PHF12: variants seen among roughly 807,000 people sequenced by gnomAD.
PHF12 encodes PHD factor 1.
PHF12 carries 6 observed loss-of-function variants against 99.8 expected under a neutral mutation model. The ratio of observed to expected loss-of-function variants is 0.06; its 90% CI spans 0.03 to 0.12. The LOEUF (loss-of-function observed/expected upper bound fraction) is 0.12. Ranked by LOEUF, PHF12 falls within the 10% of genes least tolerant of loss-of-function variation. PHF12 has a pLI of 1.00. For synonymous variants in PHF12, 480 were observed against 514.9 expected (o/e 0.93, Z 0.92); for missense variants, 954 against 1,300.1 (o/e 0.73, Z 4.09).
At chr17:28,908,958 A>C in intron 11 of PHF12, 77 bp from the exon 12 acceptor site, 1 of 1,361,282 alleles carries the variant, frequency 7.3e-7, no homozygotes. Flanking sequence ...CAAAATCTGG[A>C]CCTTTGGCTC....
In PHF12 at chr17:28,906,568, A is replaced by T; in HGVS notation, c.2681-51T>A. ...AAGAGGAACAGTGAGCAGCCAACCC[A>T]TGTGGGCTGTTTGCCAAGGTTGGGC... On this transcript the variant is annotated intron_variant, in intron 14 of 14. Coordinates refer to ENST00000332830, the MANE Select transcript of PHF12 (RefSeq NM_001033561.2). This position sits in a 1 kb window ranked among gnomAD's most constrained non-coding sequence, Gnocchi z 4.2. The T allele has an allele frequency of 6.5e-7, 1 of 1,530,172 alleles. No individual in the cohort carries two copies. Among genetic ancestry groups the T allele is most frequent in the Non-Finnish European group, 8.8e-7 (1 of 1,131,366 alleles). The allele number at this position is 1,530,172 out of a possible 1,614,324, so 94.8% of individuals were successfully genotyped here.
At chr17:28,913,369 G>A in intron 8 of PHF12, 92 bp from the exon 9 acceptor site, 3 of 1,506,896 alleles carry the variant, frequency 2.0e-6, no homozygotes, top group Admixed American at 4.5e-5. Flanking sequence ...GAGCTGACAA[G>A]CAGTTTCCGA....
chr17:28,915,133 G>T (rs1336546981), intron 7 of PHF12, among the ~76,000 whole-genome samples: 1 of 152,178 alleles, frequency 6.6e-6, no homozygotes, highest in Non-Finnish European at 1.5e-5. Flanking sequence ...TAGGAAGTCA[G>T]TATTTGGGTT....
intron 7 of PHF12, among the ~76,000 whole-genome samples, chr17:28,914,482 C>A (rs963401464): frequency 2.6e-5 from 4 of 151,814 alleles, no homozygotes; most frequent in African/African-American, 9.7e-5. Context: ...ACCATCCTGG[C>A]TAACATGGTG....
intron 4 of PHF12, among the ~76,000 whole-genome samples, chr17:28,923,398 C>G (rs1360917501): frequency 6.6e-6 from 1 of 150,966 alleles, no homozygotes; most frequent in East Asian, 2.0e-4. Flanking sequence ...TGACTCGCAC[C>G]TGTAATCCCA....
intron 9 of PHF12, 41 bp downstream of exon 9, chr17:28,912,441 T>C (rs369916315): frequency 1.2e-4 from 176 of 1,530,262 alleles, no homozygotes; most frequent in Middle Eastern, 1.8e-4. Flanking sequence ...AGAAAGAGCA[T>C]AAAATTATTC....
rs1470647008 is a variant in PHF12 at position 28,912,855 on chromosome 17, T to C, written c.1716A>G (p.Leu572=). Residue 572 remains leucine (L), a synonymous_variant, in exon 9 of 15, where the codon CTA becomes CTG. Transcript: ENST00000332830. ...PRRLPGANTP[L]PGLSHRQGWP... is the part of the protein sequence containing the mutation. Reference sequence around the variant, plus strand: ...AGCCTTGCCGGTGTGAGAGGCCTGGTAGTGGGGTGTTAGCGCCTGGAAGTC... The same window carrying C: ...AGCCTTGCCGGTGTGAGAGGCCTGGCAGTGGGGTGTTAGCGCCTGGAAGTC... 3.1e-6 allele frequency: 5 copies of C among 1,610,112 alleles called. No individual in the cohort carries two copies. Among genetic ancestry groups the C allele is most frequent in the Admixed American group, 1.7e-5 (1 of 59,808 alleles).
At chr17:28,938,495 T>C (rs2040550069) in intron 2 of PHF12, among the ~76,000 whole-genome samples, 1 of 152,150 alleles carries the variant, frequency 6.6e-6, no homozygotes, top group Non-Finnish European at 1.5e-5. Context: ...CCCAAAGTGC[T>C]AGGATTACAG....
In PHF12 at chr17:28,912,760, G is replaced by A; in HGVS notation, c.1811C>T (p.Thr604Ile). The change falls in exon 9 of 15, where the codon ACA becomes ATA. Residue 604 changes from threonine to isoleucine, a missense_variant. Around this residue, in one of 8 missense-constraint regions of PHF12, gnomAD observed 392 missense variants for 423.1 expected, o/e 0.93. Transcript: ENST00000332830. ...QNHTVGIIVK[T>I]ENATGPSSCP... is the part of the protein sequence containing the mutation. ...AGAGCTGGGGCCAGTGGCATTCTCT[G>A]TCTTCACAATGATGCCGACGGTGTG... 6.2e-7 allele frequency: 1 copy of A among 1,614,116 alleles called. No homozygotes were observed. The highest frequency in any genetic ancestry group is 8.5e-7 in the Non-Finnish European group (1 of 1,179,978).
rs1038672972 is a variant in PHF12, at chr17:28,949,524, G to A, written c.248+541C>T. ...CTGAGAATAAAAATATAATTTAAAG[G>A]CAGGTCGCCATATTGTAAACAGAGA... On this transcript the variant is annotated intron_variant, in intron 2 of 14. Transcript: ENST00000332830. This position sits in a 1 kb window ranked among gnomAD's most constrained non-coding sequence, Gnocchi z 4.6. 1 of 152,596 alleles carries A rather than the reference G, an allele frequency of 6.6e-6. No homozygotes were observed. 9.5% of individuals were successfully genotyped at this position (152,596 alleles called of 1,614,324 possible).
At chr17:28,909,961 T>C (rs2039929603) in intron 11 of PHF12, 2 of 637,518 alleles carry the variant, frequency 3.1e-6, no homozygotes, top group South Asian at 3.6e-5. Context: ...CCAAAGGTAC[T>C]GGTAGCTGCT....
chr17:28,946,579 C>T (rs1030283074), intron 2 of PHF12, among the ~76,000 whole-genome samples: 1 of 152,206 alleles, frequency 6.6e-6, no homozygotes, highest in African/African-American at 2.4e-5. Flanking sequence ...ATTCCGTTCA[C>T]AGTGAGGCAG....
intron 7 of PHF12, among the ~76,000 whole-genome samples, chr17:28,915,985 TAC>T (rs1447882961): frequency 6.6e-6 from 1 of 152,242 alleles, no homozygotes; most frequent in Non-Finnish European, 1.5e-5. Flanking sequence ...CACAGTGAAT[TAC>T]ACAGTCTGGA....
chr17:28,912,401 G>A (rs1050465067), intron 9 of PHF12, 81 bp downstream of exon 9: 2 of 1,500,968 alleles, frequency 1.3e-6, no homozygotes, highest in Non-Finnish European at 8.9e-7. Flanking sequence ...TATTCACAGG[G>A]ATATAAGTGC....
intron 4 of PHF12, among the ~76,000 whole-genome samples, chr17:28,923,416 G>A (rs1450582082): frequency 6.6e-6 from 1 of 151,338 alleles, no homozygotes; most frequent in East Asian, 1.9e-4. Flanking sequence ...CCAGCACTTC[G>A]GGAGGCCGAG....
rs777796905 is a variant in PHF12, at chr17:28,910,388, G to T, written c.2216-19C>A. 3.1e-6 allele frequency: 5 copies of T among 1,598,670 alleles called. No homozygotes were observed. In the East Asian group the frequency reaches 9.0e-5, roughly 29 times the overall value. On this transcript the variant is annotated intron_variant, in intron 10 of 14. Transcript: ENST00000332830. ...TCGATTTCTATTAGCCAAAGAGAAAGATTAAAAAGCAGCTGAGATGGGAAG... is the reference window on the plus strand; with the variant it reads ...TCGATTTCTATTAGCCAAAGAGAAATATTAAAAAGCAGCTGAGATGGGAAG...
chr17:28,922,519 T>TA (rs975477898), intron 4 of PHF12, among the ~76,000 whole-genome samples: 12 of 150,852 alleles, frequency 8.0e-5, no homozygotes, highest in Admixed American at 5.3e-4. Flanking sequence ...AGCCAGGACT[T>TA]AAAAAAAAAG....
In PHF12 at chr17:28,950,656, G is replaced by T. The variant is rs1372074284; in HGVS notation, c.66+239C>A. The T allele has an allele frequency of 5.1e-6, 3 of 583,742 alleles. No homozygotes were observed. Among genetic ancestry groups the T allele is most frequent in the African/African-American group, 1.9e-5 (1 of 52,420 alleles). 36.2% of individuals were successfully genotyped at this position (583,742 alleles called of 1,614,324 possible). ...AGGCCTGCCGGTGCAACGAGATGGA[G>T]TGGGCTGGCGCCTCGGGAGAGCGAA... On this transcript the variant is annotated intron_variant, in intron 1 of 14. Coordinates refer to ENST00000332830, the MANE Select transcript of PHF12 (RefSeq NM_001033561.2). The surrounding 1 kb of genome is among the most constrained non-coding windows in gnomAD (Gnocchi z 5.7).
Position 28,906,136 on chromosome 17 carries a change from G to A in PHF12, c.*47C>T, listed in dbSNP as rs754118170. The A allele has an allele frequency of 6.6e-7, 1 of 1,525,488 alleles. No individual in the cohort carries two copies. Among genetic ancestry groups the A allele is most frequent in the Non-Finnish European group, 8.8e-7 (1 of 1,131,602 alleles). 94.5% of individuals were successfully genotyped at this position (1,525,488 alleles called of 1,614,324 possible). A position where few individuals can be genotyped will look rare whatever the true frequency, so the allele number is the denominator to read the frequency against. On this transcript the variant is annotated 3_prime_UTR_variant, in exon 15 of 15. Coordinates refer to ENST00000332830, the MANE Select transcript of PHF12 (RefSeq NM_001033561.2). The surrounding 1 kb of genome is among the most constrained non-coding windows in gnomAD (Gnocchi z 4.2). ...GGTTTGTGTACATTTTTGCATTGCA[G>A]GAGTCTTGGGTGGGTGTACAGGCCA...
Sources: gnomAD v4.1 joint callset for allele counts (sites outside exome capture counted in the v4.1 genomes callset) on GRCh38, gnomAD v4.1.1 for gene constraint, gnomAD v4.1.1 regional missense constraint, Gnocchi (gnomAD v3.1) non-coding constraint, MANE v1.5 for transcripts, NCBI Gene and HGNC (gene_info 2026-07-23, HGNC 2026-07-21) for gene names.